Variants in SGCE observed in about 807,000 individuals in gnomAD.
The protein encoded by SGCE is epsilon-sarcoglycan.
A neutral mutation model predicts 57.8 loss-of-function variants in SGCE; 26 were observed. The observed-to-expected ratio is 0.45, with a 90% CI of 0.33 to 0.62. The LOEUF (loss-of-function observed/expected upper bound fraction) is 0.62. Ranked by LOEUF, SGCE falls within the 20% of genes least tolerant of loss-of-function variation. The pLI is 0.02. For synonymous variants in SGCE, 183 were observed against 189.5 expected, an observed-to-expected ratio of 0.97 and a Z score of 0.28; for missense variants, 468 against 548.6, an observed-to-expected ratio of 0.85 and a Z score of 1.47.
chr7:94,589,336 TCTG>T, intron 9 of SGCE: 1 of 156,732 alleles, frequency 6.4e-6, no homozygotes. Flanking sequence ...CTCATTTGGA[TCTG>T]CCCCATTCCT....
chr7:94,621,173 A>G (rs1337982200), intron 4 of SGCE: 2 of 152,198 alleles, frequency 1.3e-5, no homozygotes, highest in Non-Finnish European at 2.9e-5. Flanking sequence ...AATCTGGGAT[A>G]AATAACATGA....
At chr7:94,592,266 G>GA (rs535810486) in intron 9 of SGCE, among the ~76,000 whole-genome samples, 206 of 152,230 alleles carry the variant, frequency 1.4e-3, no homozygotes, top group African/African-American at 4.7e-3. Context: ...AGGCATACTG[G>GA]AAAAAATGCC....
At chr7:94,618,710 C>T (rs775182645) in intron 5 of SGCE, 48 bp downstream of exon 5, 9 of 1,482,866 alleles carry the variant, frequency 6.1e-6, no homozygotes, top group Admixed American at 3.4e-5. Flanking sequence ...ATAAGATCAC[C>T]GTATTTAAAA....
At chr7:94,628,159 C>T (rs202152534) in intron 3 of SGCE, 43 bp downstream of exon 3, 2 of 1,480,470 alleles carry the variant, frequency 1.4e-6, no homozygotes, top group East Asian at 2.3e-5. Flanking sequence ...CACACACACA[C>T]ACACATATAT....
chr7:94,586,061 G>GAAAAAAAAAAAAAAA (rs780812386), intron 10 of SGCE, among the ~76,000 whole-genome samples: 4 of 28,908 alleles, frequency 1.4e-4, no homozygotes, highest in East Asian at 1.3e-3. Context: ...GGAACTAAAT[G>GAAAAAAAAAAAAAAA]AAAAAAAAAA....
chr7:94,588,110 C>A, intron 10 of SGCE: 1 of 1,172,026 alleles, frequency 8.5e-7, no homozygotes, highest in Non-Finnish European at 1.1e-6. Context: ...AAATAATTGG[C>A]TGTGGAAAAT....
chr7:94,612,762 C>A (rs1328203128), intron 5 of SGCE, among the ~76,000 whole-genome samples: 5 of 152,126 alleles, frequency 3.3e-5, no homozygotes, highest in Non-Finnish European at 7.3e-5. Flanking sequence ...AAACTGAGCT[C>A]ATCATTACCC....
At position 94,618,761 on chromosome 7, in the gene SGCE, T is replaced by A. The variant is rs765095895; in HGVS notation, c.659A>T (p.Glu220Val). The part of the protein sequence containing the change: ...RVPLPINDLK[E>V]GVYVMVGADV... Reference sequence around the variant, plus strand: ...AATGAGATAAAGATCTGCTTACCCCTCCTTCAGGTCATTAATGGGAAGTGG... The same window carrying A: ...AATGAGATAAAGATCTGCTTACCCCACCTTCAGGTCATTAATGGGAAGTGG... The change falls in exon 5 of 11, where the codon GAG (glutamate) becomes GTG (valine). Residue 220 changes from glutamate (E) to valine (V), a missense_variant. By Grantham distance (121) the Glu-to-Val change is moderately radical. Transcript: ENST00000648936. The A allele has an allele frequency of 4.3e-6, 7 of 1,612,948 alleles. No individual in the cohort carries two copies. The South Asian group carries it at 7.7e-5, about 18-fold the overall frequency.
chr7:94,618,469 C>T (rs1039231799), intron 5 of SGCE: 3 of 309,420 alleles, frequency 9.7e-6, no homozygotes, highest in Non-Finnish European at 1.8e-5. Flanking sequence ...ATTCATGGCC[C>T]TAAATAATCA....
At position 94,599,680 on chromosome 7, in the gene SGCE, G is replaced by C; in HGVS notation, c.1064+17C>G. ...GGAAAAAATGATGAAGAAAATAACA[G>C]GAAAGAAGACACTTACTCTGGTGTT... On this transcript the variant is annotated intron_variant, in intron 8 of 10. Transcript: ENST00000648936. 2 of 1,608,052 alleles carry C rather than the reference G, an allele frequency of 1.2e-6. No individual in the cohort carries two copies. Among genetic ancestry groups the C allele is most frequent in the South Asian group, 1.1e-5 (1 of 90,960 alleles).
At chr7:94,599,589 T>C in intron 8 of SGCE, 108 bp downstream of exon 8, 1 of 878,282 alleles carries the variant, frequency 1.1e-6, no homozygotes, top group South Asian at 1.4e-5. Context: ...AAATAAACTA[T>C]GAAAGATGAC....
At chr7:94,599,615 T>G in intron 8 of SGCE, 82 bp downstream of exon 8, 1 of 1,047,930 alleles carries the variant, frequency 9.5e-7, no homozygotes. Context: ...AAAAAAAGCT[T>G]GACACACATG....
intron 10 of SGCE, chr7:94,588,422 A>T: frequency 1.6e-6 from 2 of 1,249,686 alleles, no homozygotes; most frequent in Non-Finnish European, 2.0e-6. Context: ...ACTGAAGGAA[A>T]GGGGTTTCAT....
intron 1 of SGCE, among the ~76,000 whole-genome samples, chr7:94,642,892 C>A (rs145723655): frequency 8.9e-4 from 135 of 152,322 alleles, no homozygotes; most frequent in Non-Finnish European, 1.7e-3. Context: ...CTAATTCAAT[C>A]CTTACAAAAC....
At chr7:94,644,952 G>A (rs942516571) in intron 1 of SGCE, among the ~76,000 whole-genome samples, 16 of 152,090 alleles carry the variant, frequency 1.1e-4, no homozygotes, top group African/African-American at 3.9e-4. Context: ...CTACACCAAG[G>A]GTTGTACACA....
At chr7:94,646,870 G>A (rs529019510) in intron 1 of SGCE, among the ~76,000 whole-genome samples, 2 of 152,120 alleles carry the variant, frequency 1.3e-5, no homozygotes, top group South Asian at 2.1e-4. Flanking sequence ...CATTCTCATT[G>A]TACTATACTT....
intron 5 of SGCE, among the ~76,000 whole-genome samples, chr7:94,613,570 C>G (rs556334205): frequency 1.3e-5 from 2 of 151,988 alleles, no homozygotes; most frequent in South Asian, 4.2e-4. Context: ...TTTTTTTATC[C>G]CAACAATTCA....
intron 9 of SGCE, among the ~76,000 whole-genome samples, chr7:94,596,651 A>T (rs1273700781): frequency 6.6e-6 from 1 of 152,144 alleles, no homozygotes; most frequent in Non-Finnish European, 1.5e-5. Flanking sequence ...ATATGCTTGG[A>T]TAATGCTGCC....
chr7:94,611,651 T>A, intron 5 of SGCE, among the ~76,000 whole-genome samples: 1 of 152,202 alleles, frequency 6.6e-6, no homozygotes, highest in South Asian at 2.1e-4. Flanking sequence ...GTATGATATG[T>A]GAATTATATC....
Sources: gnomAD v4.1 joint callset for allele counts (sites outside exome capture counted in the v4.1 genomes callset) on GRCh38, gnomAD v4.1.1 for gene constraint, MANE v1.5 for transcripts, NCBI Gene and HGNC (gene_info 2026-07-23, HGNC 2026-07-21) for gene names.